Variants in NBEA observed in about 807,000 individuals in gnomAD.
The protein encoded by NBEA is neurobeachin.
NBEA carries 44 observed loss-of-function variants against 343.4 expected under a neutral mutation model. The observed-to-expected ratio is 0.13, with a 90% CI of 0.10 to 0.16. NBEA has a LOEUF of 0.16. NBEA is among the 10% of genes least tolerant of loss of function. The pLI is 1.00. For synonymous variants in NBEA, 1,175 were observed against 1,238.7 expected (o/e 0.95, Z 1.08); for missense variants, 2,555 against 3,631.3 (o/e 0.70, Z 7.62).
At chr13:35,091,848 CA>C (rs2065096801) in intron 10 of NBEA, among the ~76,000 whole-genome samples, 1 of 151,906 alleles carries the variant, frequency 6.6e-6, no homozygotes, top group African/African-American at 2.4e-5. Flanking sequence ...ATAAAGATGT[CA>C]TTAAATTGGT....
intron 36 of NBEA, among the ~76,000 whole-genome samples, chr13:35,315,366 C>G (rs1334497658): frequency 6.6e-6 from 1 of 152,074 alleles, no homozygotes; most frequent in Non-Finnish European, 1.5e-5. Context: ...AAATTATACA[C>G]TGGATCATTT....
chr13:35,135,486 C>CTG (rs2152689233), intron 17 of NBEA, among the ~76,000 whole-genome samples: 1 of 151,980 alleles, frequency 6.6e-6, no homozygotes, highest in East Asian at 1.9e-4. Flanking sequence ...GAGAGCTATG[C>CTG]TGTGTACATT....
At chr13:35,541,920 T>C (rs1173558362) in intron 41 of NBEA, among the ~76,000 whole-genome samples, 1 of 152,024 alleles carries the variant, frequency 6.6e-6, no homozygotes, top group African/African-American at 2.4e-5. Flanking sequence ...CCCATGAAGT[T>C]AGGTACCATT....
chr13:35,214,224 T>A (rs1032492171), intron 33 of NBEA, among the ~76,000 whole-genome samples: 1 of 151,938 alleles, frequency 6.6e-6, no homozygotes, highest in Non-Finnish European at 1.5e-5. Flanking sequence ...AAACACGTCT[T>A]GGTGTGGACA....
intron 1 of NBEA, among the ~76,000 whole-genome samples, chr13:35,017,495 G>C (rs1276898022): frequency 6.6e-6 from 1 of 152,136 alleles, no homozygotes; most frequent in Non-Finnish European, 1.5e-5. Flanking sequence ...CAGTCTTTTT[G>C]ATTTGAATCT....
At chr13:34,976,139 C>T (rs537812297) in intron 1 of NBEA, among the ~76,000 whole-genome samples, 25 of 152,254 alleles carry the variant, frequency 1.6e-4, no homozygotes, top group African/African-American at 5.5e-4. Context: ...TTTATAGCAG[C>T]GCAATTTGCA....
At chr13:35,513,510 G>C (rs2152988047) in intron 41 of NBEA, among the ~76,000 whole-genome samples, 1 of 151,732 alleles carries the variant, frequency 6.6e-6, no homozygotes, top group South Asian at 2.1e-4. Context: ...CCAAACACAG[G>C]AAGTTTAAAT....
intron 8 of NBEA, among the ~76,000 whole-genome samples, chr13:35,065,101 G>A (rs552183561): frequency 1.1e-4 from 16 of 151,264 alleles, no homozygotes; most frequent in South Asian, 1.1e-3. Flanking sequence ...GATGTGTTTC[G>A]GCTGTGTTTT....
chr13:35,111,079 A>T, intron 13 of NBEA, 101 bp downstream of exon 13: 1 of 999,016 alleles, frequency 1.0e-6, no homozygotes, highest in Non-Finnish European at 1.3e-6. Flanking sequence ...AATCACTGAA[A>T]TGTTTTCTTT....
intron 49 of NBEA, among the ~76,000 whole-genome samples, chr13:35,630,957 CT>C (rs1180578165): frequency 6.6e-6 from 1 of 152,176 alleles, no homozygotes; most frequent in African/African-American, 2.4e-5. Context: ...CCATTCCCCC[CT>C]CTAACATATT....
At chr13:35,057,475 G>A (rs1300718043) in intron 7 of NBEA, among the ~76,000 whole-genome samples, 1 of 152,078 alleles carries the variant, frequency 6.6e-6, no homozygotes, top group Non-Finnish European at 1.5e-5. Flanking sequence ...AATCAAAGAA[G>A]AATGGGACAG....
intron 33 of NBEA, among the ~76,000 whole-genome samples, chr13:35,232,279 T>C (rs2075017990): frequency 6.6e-6 from 1 of 152,144 alleles, no homozygotes; most frequent in South Asian, 2.1e-4. Context: ...TTCTTTTTCA[T>C]AGTATAGTCA....
At chr13:35,185,015 G>A (rs548541999) in intron 30 of NBEA, among the ~76,000 whole-genome samples, 5 of 152,196 alleles carry the variant, frequency 3.3e-5, no homozygotes, top group South Asian at 2.1e-4. Context: ...TGACCTAATC[G>A]CATGAGCTCT....
At chr13:35,016,959 A>T (rs1049744865) in intron 1 of NBEA, among the ~76,000 whole-genome samples, 2 of 152,174 alleles carry the variant, frequency 1.3e-5, no homozygotes, top group Non-Finnish European at 2.9e-5. Flanking sequence ...ACATGATTAC[A>T]TTGGTGAGGT....
intron 1 of NBEA, among the ~76,000 whole-genome samples, chr13:35,014,653 G>T (rs2061590062): frequency 6.6e-6 from 1 of 151,914 alleles, no homozygotes; most frequent in Admixed American, 6.6e-5. Flanking sequence ...TCCTTACTGT[G>T]AGATGAAAGC....
chr13:35,598,970 T>C (rs1003268957), intron 47 of NBEA, among the ~76,000 whole-genome samples: 3 of 152,202 alleles, frequency 2.0e-5, no homozygotes, highest in Non-Finnish European at 2.9e-5. Flanking sequence ...CTTATCTCTT[T>C]TGCATAGCTT....
At chr13:35,096,222 GTGGTA>G (rs946038658) in intron 10 of NBEA, among the ~76,000 whole-genome samples, 2 of 148,194 alleles carry the variant, frequency 1.3e-5, no homozygotes, top group African/African-American at 5.0e-5. Flanking sequence ...TTGCAAAGAT[GTGGTA>G]TTGCTATTGC....
intron 38 of NBEA, among the ~76,000 whole-genome samples, chr13:35,364,804 A>G (rs1028395538): frequency 4.0e-5 from 6 of 151,824 alleles, no homozygotes; most frequent in African/African-American, 1.4e-4. Flanking sequence ...GAGGAGAGGT[A>G]TAAGATGGTA....
intron 39 of NBEA, among the ~76,000 whole-genome samples, chr13:35,442,231 T>A (rs2045778716): frequency 6.6e-6 from 1 of 152,198 alleles, no homozygotes; most frequent in African/African-American, 2.4e-5. Context: ...CTATGCAATG[T>A]ACTCATATAG....
Sources: allele counts gnomAD v4.1 joint callset (sites outside exome capture counted in the v4.1 genomes callset), GRCh38; gene constraint gnomAD v4.1.1; transcripts MANE v1.5; gene names NCBI Gene and HGNC (gene_info 2026-07-23, HGNC 2026-07-21).